ECT2L: variants seen among roughly 807,000 people sequenced by gnomAD.
ECT2L encodes the protein epithelial cell transforming 2 like, also known as epithelial cell-transforming sequence 2 oncogene-like.
In ECT2L, 126 loss-of-function variants were observed where a neutral mutation model predicts 122.8. The ratio of observed to expected loss-of-function variants is 1.03; its 90% CI spans 0.89 to 1.19. The LOEUF is 1.19. Among genes scored for constraint, ECT2L ranks in the 50% most tolerant of loss-of-function variants. ECT2L has a pLI of 0.00. For missense variants in ECT2L, 1,012 were observed against 1,064.1 expected, an observed-to-expected ratio of 0.95 and a Z score of 0.68; for synonymous variants, 385 against 381.8, an observed-to-expected ratio of 1.01 and a Z score of -0.10.
chr6:138,804,610 C>T (rs1775652666), intron 1 of ECT2L, among the ~76,000 whole-genome samples: 1 of 151,808 alleles, frequency 6.6e-6, no homozygotes, highest in South Asian at 2.1e-4. Flanking sequence ...CACACACACA[C>T]AATATTTCTT....
chr6:138,834,625 T>C (rs1248669152), intron 4 of ECT2L, among the ~76,000 whole-genome samples: 1 of 152,190 alleles, frequency 6.6e-6, no homozygotes, highest in Non-Finnish European at 1.5e-5. Flanking sequence ...CTGTATTTTA[T>C]AATTCCAAGT....
At chr6:138,902,374 T>C in intron 21 of ECT2L, 126 bp from the exon 22 acceptor site, 1 of 770,126 alleles carries the variant, frequency 1.3e-6, no homozygotes. Context: ...TATTCTACAC[T>C]GAATATGTAT....
chr6:138,864,898 T>A, intron 11 of ECT2L, 98 bp from the exon 12 acceptor site: 1 of 1,171,416 alleles, frequency 8.5e-7, no homozygotes, highest in Non-Finnish European at 1.2e-6. Context: ...ATAAACTCAA[T>A]ACAAATGCAA....
intron 11 of ECT2L, among the ~76,000 whole-genome samples, chr6:138,863,692 T>G (rs1040366065): frequency 6.6e-6 from 1 of 151,640 alleles, no homozygotes; most frequent in Non-Finnish European, 1.5e-5. Context: ...CTAGGCTCAC[T>G]GCAACCTCCG....
At chr6:138,869,026 G>C (rs529976830) in intron 13 of ECT2L, among the ~76,000 whole-genome samples, 1 of 152,212 alleles carries the variant, frequency 6.6e-6, no homozygotes, top group East Asian at 1.9e-4. Flanking sequence ...AACTAGCCGG[G>C]CATGGTGGCG....
At chr6:138,864,230 G>A (rs1018088857) in intron 11 of ECT2L, among the ~76,000 whole-genome samples, 3 of 152,016 alleles carry the variant, frequency 2.0e-5, no homozygotes, top group Admixed American at 6.6e-5. Flanking sequence ...GCTGAGGCAC[G>A]AGAATTGCCT....
intron 4 of ECT2L, among the ~76,000 whole-genome samples, chr6:138,825,051 C>T (rs545360985): frequency 6.6e-6 from 1 of 152,314 alleles, no homozygotes; most frequent in African/African-American, 2.4e-5. Context: ...AAAGAAGTAG[C>T]TATGACTGTG....
At chr6:138,871,362 A>C (rs374131440) in intron 13 of ECT2L, among the ~76,000 whole-genome samples, 3 of 152,334 alleles carry the variant, frequency 2.0e-5, no homozygotes, top group South Asian at 4.1e-4. Flanking sequence ...TTGTTGCCCT[A>C]TTAACCTGAT....
At position 138,903,348 on chromosome 6, in the gene ECT2L, GA is replaced by G. The variant is rs1231096374; in HGVS notation, c.*723del. ...GCACTTCAGCCTGGGTGACAAGAGC[GA>G]ACCTCTGTCTCAAAAAAAAAAGAAA... On this transcript the variant is annotated 3_prime_UTR_variant, in exon 22 of 22. Coordinates refer to ENST00000541398, the MANE Select transcript of ECT2L (RefSeq NM_001077706.3). 1.4e-5 allele frequency: 2 copies of G among 147,796 alleles called. No homozygotes were observed. The highest frequency in any genetic ancestry group is 4.0e-4 in the East Asian group (2 of 5,032). 9.2% of individuals were successfully genotyped at this position (147,796 alleles called of 1,614,324 possible).
intron 14 of ECT2L, among the ~76,000 whole-genome samples, chr6:138,879,943 A>T (rs1016531982): frequency 6.6e-6 from 1 of 151,272 alleles, no homozygotes; most frequent in African/African-American, 2.4e-5. Flanking sequence ...AGAGAGTAAG[A>T]CTCCATATCA....
Position 138,859,863 on chromosome 6 carries a change from C to T in ECT2L, c.1199-2764C>T, listed in dbSNP as rs547423244. 2.9e-4 allele frequency among the ~76,000 whole-genome samples: 43 copies of T among 150,844 alleles called. No homozygotes were observed. The South Asian group carries it at 6.7e-3, about 24-fold the overall frequency. On this transcript the variant is annotated intron_variant, in intron 10 of 21. Coordinates refer to ENST00000541398, the MANE Select transcript of ECT2L (RefSeq NM_001077706.3). ...CAGAGTTTCACTCTTGTTGCCCAGA[C>T]GAATGCAATGGCGCGATCTCGGCTC...
Position 138,885,689 on chromosome 6 carries a change from G to A in ECT2L, c.2118G>A (p.Leu706=), listed in dbSNP as rs764409310. ...CCTCATACAGCCTGCCAGAGCTGCT[G>A]CTGTACCCATCCCGAAGATTTGAAG... ...VTKMLSLPEL[L]LYPSRRFEEY... The change falls in exon 18 of 22, where the codon CTG becomes CTA. Residue 706 remains leucine, a synonymous_variant. Coordinates refer to ENST00000541398, the MANE Select transcript of ECT2L (RefSeq NM_001077706.3). 6 of 1,614,108 alleles carry A rather than the reference G, an allele frequency of 3.7e-6. No individual in the cohort carries two copies. Among genetic ancestry groups the A allele is most frequent in the Non-Finnish European group, 5.1e-6 (6 of 1,180,008 alleles).
chr6:138,903,783 A>G lies in ECT2L; in HGVS notation c.*1156A>G, dbSNP rs999277492. The G allele has an allele frequency of 6.6e-6, 1 of 152,200 alleles. No individual in the cohort carries two copies. The highest frequency in any genetic ancestry group is 2.4e-5 in the African/African-American group (1 of 41,446). The allele number at this position is 152,200 out of a possible 1,614,324, so 9.4% of individuals were successfully genotyped here. A position where few individuals can be genotyped will look rare whatever the true frequency, so the allele number is the denominator to read the frequency against. On this transcript the variant is annotated 3_prime_UTR_variant, in exon 22 of 22. Transcript: ENST00000541398. Reference sequence around the variant, plus strand: ...ATACTGAAAGCCACTTGGAAACTTCAGCTGATGTATATTTTTACCTAGATA... The same window carrying G: ...ATACTGAAAGCCACTTGGAAACTTCGGCTGATGTATATTTTTACCTAGATA...
At chr6:138,814,750 C>T (rs1189320797) in intron 4 of ECT2L, 147 bp downstream of exon 4, 2 of 536,376 alleles carry the variant, frequency 3.7e-6, no homozygotes, top group African/African-American at 3.8e-5. Context: ...CAGACTTTTC[C>T]AGTGCCTGCT....
At chr6:138,870,362 G>C (rs556436773) in intron 13 of ECT2L, 1 of 152,734 alleles carries the variant, frequency 6.5e-6, no homozygotes, top group South Asian at 2.1e-4. Context: ...TTTCTGTAGA[G>C]TTAGGCACAT....
At chr6:138,818,929 TAAGG>T (rs991108016) in intron 4 of ECT2L, among the ~76,000 whole-genome samples, 2 of 152,228 alleles carry the variant, frequency 1.3e-5, no homozygotes, top group Non-Finnish European at 2.9e-5. Flanking sequence ...CAGAATTTTA[TAAGG>T]AAGTGCACAG....
chr6:138,885,707 AT>A lies in ECT2L; in HGVS notation c.2139del (p.Phe713LeufsTer25), dbSNP rs760619858. On this transcript the variant is annotated frameshift_variant, in exon 18 of 22. Coordinates refer to ENST00000541398, the MANE Select transcript of ECT2L (RefSeq NM_001077706.3). LOFTEE classifies it high-confidence loss of function. ...AGCTGCTGCTGTACCCATCCCGAAGATTTGAAGAATACCTTAATCTTCTCTA... is the reference window on the plus strand; with the variant it reads ...AGCTGCTGCTGTACCCATCCCGAAGATTGAAGAATACCTTAATCTTCTCTA... ...PELLLYPSRR[F>X]EEYLNLLYAV... is the part of the protein sequence containing the mutation. 3.1e-6 allele frequency: 5 copies of A among 1,614,060 alleles called. No individual in the cohort carries two copies. Among genetic ancestry groups the A allele is most frequent in the Non-Finnish European group, 4.2e-6 (5 of 1,180,040 alleles).
At chr6:138,871,770 A>C (rs1778262188) in intron 13 of ECT2L, among the ~76,000 whole-genome samples, 1 of 151,894 alleles carries the variant, frequency 6.6e-6, no homozygotes, top group Admixed American at 6.6e-5. Context: ...GCGCCATTGC[A>C]CTCCAGCCTG....
At chr6:138,860,965 G>C (rs1777808481) in intron 10 of ECT2L, among the ~76,000 whole-genome samples, 1 of 152,068 alleles carries the variant, frequency 6.6e-6, no homozygotes, top group Non-Finnish European at 1.5e-5. Context: ...ACTTACGAGT[G>C]AGAACATGCA....
Sources: allele counts gnomAD v4.1 joint callset (sites outside exome capture counted in the v4.1 genomes callset), GRCh38; gene constraint gnomAD v4.1.1; transcripts MANE v1.5; gene names NCBI Gene and HGNC (gene_info 2026-07-23, HGNC 2026-07-21).